LRMDA: variants seen among roughly 807,000 people sequenced by gnomAD.
The protein encoded by LRMDA is leucine rich melanocyte differentiation associated, also known as leucine-rich melanocyte differentiation-associated protein.
LRMDA carries 18 observed loss-of-function variants against 29.8 expected under a neutral mutation model. The ratio of observed to expected loss-of-function variants is 0.60; its 90% confidence interval spans 0.42 to 0.90. The LOEUF is 0.90. LRMDA is among the 40% of genes least tolerant of loss of function. The pLI is 0.00. For missense variants in LRMDA, 273 were observed against 273.9 expected (o/e 1.00, Z 0.02); for synonymous variants, 125 against 109.4 (o/e 1.14, Z -0.89).
At chr10:75,938,636 C>T (rs533586635) in intron 2 of LRMDA, among the ~76,000 whole-genome samples, 4 of 152,192 alleles carry the variant, frequency 2.6e-5, no homozygotes, top group East Asian at 1.9e-4. Flanking sequence ...TTGTCTATAG[C>T]GGCAAGATGA....
chr10:75,716,747 G>A (rs1466252329), intron 2 of LRMDA, among the ~76,000 whole-genome samples: 2 of 152,114 alleles, frequency 1.3e-5, no homozygotes, highest in Non-Finnish European at 2.9e-5. Flanking sequence ...CTTCATAAAT[G>A]GTAATTTCAG....
At chr10:75,683,307 C>T (rs1038494962) in intron 2 of LRMDA, among the ~76,000 whole-genome samples, 4 of 152,156 alleles carry the variant, frequency 2.6e-5, no homozygotes, top group East Asian at 1.9e-4. Context: ...ACATGTAGAT[C>T]GTCTCAGCGT....
intron 2 of LRMDA, among the ~76,000 whole-genome samples, chr10:75,711,849 AAT>A (rs1842440116): frequency 6.6e-6 from 1 of 152,206 alleles, no homozygotes; most frequent in Non-Finnish European, 1.5e-5. Context: ...ATGTTTTGCA[AAT>A]GATCTTTTGA....
intron 2 of LRMDA, among the ~76,000 whole-genome samples, chr10:75,575,966 G>GT (rs796940224): frequency 0.013 from 1,873 of 141,334 alleles, 11 homozygotes; most frequent in Middle Eastern, 0.07. Context: ...AGCCACAGGA[G>GT]TTTTTTTTTT....
chr10:75,953,241 C>T (rs549734051), intron 2 of LRMDA, among the ~76,000 whole-genome samples: 13 of 151,924 alleles, frequency 8.6e-5, no homozygotes, highest in African/African-American at 2.4e-4. Flanking sequence ...CCCAGCTAAT[C>T]GGTTTTTAAA....
intron 2 of LRMDA, among the ~76,000 whole-genome samples, chr10:75,860,674 C>T (rs973692593): frequency 1.3e-5 from 2 of 152,118 alleles, no homozygotes; most frequent in Non-Finnish European, 2.9e-5. Context: ...TTGTGTGATA[C>T]ATTTTATTAC....
chr10:76,276,424 A>G (rs553825673), intron 5 of LRMDA, among the ~76,000 whole-genome samples: 106 of 152,198 alleles, frequency 7.0e-4, no homozygotes, highest in African/African-American at 2.5e-3. Flanking sequence ...GATTACAAAC[A>G]TGAGCCACTG....
At chr10:76,378,025 GT>G (rs1273554413) in intron 6 of LRMDA, among the ~76,000 whole-genome samples, 1 of 151,918 alleles carries the variant, frequency 6.6e-6, no homozygotes, top group Non-Finnish European at 1.5e-5. Context: ...GGCATGGGAT[GT>G]TTTTTCTATT....
chr10:76,021,249 G>A (rs1396180649), intron 2 of LRMDA, among the ~76,000 whole-genome samples: 1 of 152,172 alleles, frequency 6.6e-6, no homozygotes. Context: ...AAGGAAATGG[G>A]CTCTACCTTG....
intron 2 of LRMDA, among the ~76,000 whole-genome samples, chr10:76,015,587 T>C (rs150348430): frequency 1.3e-5 from 2 of 152,314 alleles, no homozygotes; most frequent in African/African-American, 4.8e-5. Context: ...TCTGCAGGAT[T>C]CTGTTCATTA....
chr10:76,053,457 A>G (rs191639861), intron 4 of LRMDA, among the ~76,000 whole-genome samples: 1 of 152,182 alleles, frequency 6.6e-6, no homozygotes, highest in Non-Finnish European at 1.5e-5. Flanking sequence ...CAAGGGTTGA[A>G]TTGATATTGT....
intron 2 of LRMDA, among the ~76,000 whole-genome samples, chr10:75,561,564 T>G (rs551019579): frequency 0.1 from 15,705 of 151,432 alleles, 2,601 homozygotes; most frequent in African/African-American, 0.35. Flanking sequence ...ATTTCTTGCC[T>G]TCTGCTAGCT....
intron 6 of LRMDA, among the ~76,000 whole-genome samples, chr10:76,335,392 G>A (rs769229261): frequency 6.6e-6 from 1 of 152,168 alleles, no homozygotes; most frequent in African/African-American, 2.4e-5. Context: ...AAGTAGCCAG[G>A]TGCTGCAAAT....
At chr10:76,131,966 C>T (rs1274972638) in intron 5 of LRMDA, among the ~76,000 whole-genome samples, 1 of 152,072 alleles carries the variant, frequency 6.6e-6, no homozygotes, top group Non-Finnish European at 1.5e-5. Flanking sequence ...GGTTAATGTT[C>T]CTTAAGCATT....
chr10:75,596,186 A>G (rs1840785897), intron 2 of LRMDA, among the ~76,000 whole-genome samples: 1 of 152,246 alleles, frequency 6.6e-6, no homozygotes, highest in East Asian at 1.9e-4. Context: ...TGATCCCTAC[A>G]TGACAGGTGG....
At chr10:75,495,013 A>G (rs1564785569) in intron 2 of LRMDA, among the ~76,000 whole-genome samples, 1 of 152,212 alleles carries the variant, frequency 6.6e-6, no homozygotes, top group East Asian at 1.9e-4. Context: ...TTGCCTTTTA[A>G]GGAGTCTTTT....
At chr10:76,295,743 C>G (rs1238529911) in intron 5 of LRMDA, among the ~76,000 whole-genome samples, 1 of 152,212 alleles carries the variant, frequency 6.6e-6, no homozygotes, top group Non-Finnish European at 1.5e-5. Flanking sequence ...CCCACCTCCT[C>G]TAGCCCTCTT....
chr10:76,373,174 G>C (rs1204041176), intron 6 of LRMDA, among the ~76,000 whole-genome samples: 1 of 152,084 alleles, frequency 6.6e-6, no homozygotes, highest in Non-Finnish European at 1.5e-5. Context: ...ATGGTTGCTG[G>C]TGATGCTTCC....
intron 2 of LRMDA, among the ~76,000 whole-genome samples, chr10:75,509,629 G>A (rs780815706): frequency 4.6e-5 from 7 of 152,198 alleles, no homozygotes; most frequent in Non-Finnish European, 1.0e-4. Flanking sequence ...TGGCAGAACC[G>A]GGACTAGCAT....
Sources: gnomAD v4.1 joint callset for allele counts (sites outside exome capture counted in the v4.1 genomes callset) on GRCh38, gnomAD v4.1.1 for gene constraint, MANE v1.5 for transcripts, NCBI Gene and HGNC (gene_info 2026-07-23, HGNC 2026-07-21) for gene names.